The following PKP4 variants were observed in gnomAD, a reference collection of about 807,000 sequenced individuals.
PKP4 encodes the protein plakophilin 4.
PKP4 carries 90 observed loss-of-function variants against 145.1 expected under a neutral mutation model. That is an observed-to-expected ratio of 0.62 (90% CI 0.52 to 0.74). The LOEUF (loss-of-function observed/expected upper bound fraction) is 0.74. Among genes scored for constraint, PKP4 ranks in the 30% least tolerant of loss-of-function variants. The pLI is 0.00. For synonymous variants in PKP4, 563 were observed against 577.2 expected (o/e 0.98, Z 0.35); for missense variants, 1,340 against 1,482.7 (o/e 0.90, Z 1.58).
At chr2:158,480,027 T>C (rs779863129) in intron 1 of PKP4, among the ~76,000 whole-genome samples, 1 of 152,164 alleles carries the variant, frequency 6.6e-6, no homozygotes, top group Non-Finnish European at 1.5e-5. Context: ...TAGACGTTGA[T>C]TCTGAACTGC....
At chr2:158,474,689 C>G (rs1227544645) in intron 1 of PKP4, among the ~76,000 whole-genome samples, 1 of 152,068 alleles carries the variant, frequency 6.6e-6, no homozygotes, top group Non-Finnish European at 1.5e-5. Context: ...TAAGGCTGTT[C>G]CATAGTAGAG....
intron 2 of PKP4, among the ~76,000 whole-genome samples, chr2:158,540,305 A>AT (rs922791787): frequency 2.0e-5 from 3 of 152,236 alleles, no homozygotes. Flanking sequence ...CTGTTCACAC[A>AT]TAACTGGATC....
intron 1 of PKP4, among the ~76,000 whole-genome samples, chr2:158,471,168 T>C (rs554449067): frequency 5.3e-5 from 8 of 152,168 alleles, no homozygotes; most frequent in African/African-American, 1.9e-4. Context: ...GTTGAAAAAG[T>C]TTTAAGATAG....
intron 4 of PKP4, among the ~76,000 whole-genome samples, chr2:158,605,340 C>A (rs936574117): frequency 6.6e-6 from 1 of 151,968 alleles, no homozygotes; most frequent in Non-Finnish European, 1.5e-5. Context: ...TAAAAGTATA[C>A]CTAATGAGTA....
intron 15 of PKP4, among the ~76,000 whole-genome samples, chr2:158,665,321 TC>T (rs1249543886): frequency 2.0e-5 from 3 of 152,102 alleles, no homozygotes; most frequent in Admixed American, 6.5e-5. Context: ...TACTTCATTT[TC>T]CCCCCATAGA....
intron 1 of PKP4, among the ~76,000 whole-genome samples, chr2:158,508,430 G>A (rs1165208942): frequency 4.0e-5 from 6 of 150,760 alleles, no homozygotes; most frequent in African/African-American, 1.2e-4. Flanking sequence ...AAACCACTGC[G>A]TGTCCTAAGC....
intron 1 of PKP4, among the ~76,000 whole-genome samples, chr2:158,501,836 A>G (rs921712709): frequency 7.2e-6 from 1 of 138,682 alleles, no homozygotes; most frequent in South Asian, 2.5e-4. Context: ...TTGGCTAGGT[A>G]AGGTTTTCCT....
At chr2:158,633,902 T>G (rs1443492053) in intron 8 of PKP4, among the ~76,000 whole-genome samples, 168 bp from the exon 9 acceptor site, 5 of 152,234 alleles carry the variant, frequency 3.3e-5, no homozygotes, top group Non-Finnish European at 7.3e-5. Flanking sequence ...CATTAAAAAC[T>G]TAAGTACCCT....
At chr2:158,567,798 A>C (rs1373404570) in intron 2 of PKP4, among the ~76,000 whole-genome samples, 3 of 152,234 alleles carry the variant, frequency 2.0e-5, no homozygotes, top group Admixed American at 1.3e-4. Context: ...GCAGTAGTCT[A>C]AATTAATGTG....
Position 158,625,191 on chromosome 2 carries a change from A to G in PKP4, c.917A>G (p.Tyr306Cys). ...TSNPNGPTPQYQTTARVGSPL... is the reference protein window; with the variant it reads ...TSNPNGPTPQCQTTARVGSPL... ...AATCCCAACGGACCAACCCCTCAAT[A>G]CCAAACCACCGCCAGAGTGGGGTCC... The change falls in exon 7 of 22, where the codon TAC becomes TGC. Residue 306 changes from tyrosine (Y) to cysteine (C), a missense_variant. Transcript: ENST00000389759. The G allele has an allele frequency of 6.2e-7, 1 of 1,613,886 alleles. No homozygotes were observed. Among genetic ancestry groups the G allele is most frequent in the Non-Finnish European group, 8.5e-7 (1 of 1,179,976 alleles).
chr2:158,486,981 A>G (rs1694256842), intron 1 of PKP4, among the ~76,000 whole-genome samples: 1 of 152,100 alleles, frequency 6.6e-6, no homozygotes. Context: ...TACAAAGGAG[A>G]CTATCTTCCA....
rs183012653 is a variant in PKP4 at position 158,551,863 on chromosome 2, C to T, written c.132+18547C>T. 1.5e-3 allele frequency among the ~76,000 whole-genome samples: 222 copies of T among 152,282 alleles called. 1 individual carries two copies. Among genetic ancestry groups the T allele is most frequent in the African/African-American group, 4.9e-3 (204 of 41,552 alleles). ...ATATTAAGTAGTAATTTTGAAACAA[C>T]TATAACTTTTTTATAGACAGGATAG... On this transcript the variant is annotated intron_variant, in intron 2 of 21. Coordinates refer to ENST00000389759, the MANE Select transcript of PKP4 (RefSeq NM_003628.6).
At position 158,487,337 on chromosome 2, in the gene PKP4, A is replaced by G. The variant is rs551434988; in HGVS notation, c.-6+30119A>G. On this transcript the variant is annotated intron_variant, in intron 1 of 21. Coordinates refer to ENST00000389759, the MANE Select transcript of PKP4 (RefSeq NM_003628.6). ...TCATTTACTGGTTGTCTTCACCATA[A>G]TCTTTGGAAGTGCATAATCTTATAA... Among the ~76,000 whole-genome samples the G allele has an allele frequency of 3.9e-5, 6 of 152,320 alleles. No individual in the cohort carries two copies. The South Asian group carries it at 1.2e-3, about 32-fold the overall frequency.
intron 12 of PKP4, 47 bp downstream of exon 12, chr2:158,658,361 G>C: frequency 9.0e-7 from 1 of 1,113,450 alleles, no homozygotes; most frequent in Non-Finnish European, 1.3e-6. Context: ...GATTAAATAT[G>C]TGTCATAGGT....
intron 3 of PKP4, among the ~76,000 whole-genome samples, chr2:158,584,606 G>A (rs2048638807): frequency 6.6e-6 from 1 of 152,196 alleles, no homozygotes; most frequent in Non-Finnish European, 1.5e-5. Flanking sequence ...AGGATCACTT[G>A]AGGCCAGGAG....
intron 1 of PKP4, among the ~76,000 whole-genome samples, chr2:158,474,500 AT>A (rs1559190601): frequency 3.9e-5 from 6 of 152,376 alleles, no homozygotes; most frequent in African/African-American, 1.2e-4. Context: ...CCAATAAAAA[AT>A]TTTTTAAAAA....
intron 19 of PKP4, among the ~76,000 whole-genome samples, chr2:158,675,653 G>A (rs2057942978): frequency 6.6e-6 from 1 of 152,338 alleles, no homozygotes. Flanking sequence ...CATGTCTGAT[G>A]CCTTGCTGAT....
chr2:158,610,922 T>C (rs2051089511), intron 4 of PKP4, among the ~76,000 whole-genome samples: 1 of 152,184 alleles, frequency 6.6e-6, no homozygotes, highest in Non-Finnish European at 1.5e-5. Flanking sequence ...GCTCATTCTT[T>C]TTAACACTGC....
At chr2:158,610,663 A>G (rs2051062021) in intron 4 of PKP4, among the ~76,000 whole-genome samples, 1 of 152,216 alleles carries the variant, frequency 6.6e-6, no homozygotes, top group African/African-American at 2.4e-5. Context: ...TAGGTCCCCC[A>G]GTCACATTCC....
Sources: allele counts gnomAD v4.1 joint callset (sites outside exome capture counted in the v4.1 genomes callset), GRCh38; gene constraint gnomAD v4.1.1; transcripts MANE v1.5; gene names NCBI Gene and HGNC (gene_info 2026-07-23, HGNC 2026-07-21).